Variants in DISP1 observed in about 807,000 individuals in gnomAD.
DISP1 encodes the protein protein dispatched homolog 1.
A neutral mutation model predicts 37.3 loss-of-function variants in DISP1; 30 were observed. That is an observed-to-expected ratio of 0.80 (90% CI 0.60 to 1.09). DISP1 has a LOEUF of 1.09. DISP1 is among the 50% of genes least tolerant of loss of function. The pLI is 0.00. For missense variants in DISP1, 1,598 were observed against 1,879.5 expected (o/e 0.85, Z 2.77); for synonymous variants, 634 against 690.2 (o/e 0.92, Z 1.28).
intron 3 of DISP1, among the ~76,000 whole-genome samples, chr1:222,968,172 A>G (rs1396506584): frequency 1.3e-5 from 2 of 152,046 alleles, no homozygotes; most frequent in Non-Finnish European, 2.9e-5. Flanking sequence ...CTGCTTGATA[A>G]CTCAGTGGGC....
intron 1 of DISP1, among the ~76,000 whole-genome samples, chr1:222,863,536 CAAA>C (rs35141337): frequency 1.3e-4 from 17 of 131,690 alleles, no homozygotes; most frequent in Non-Finnish European, 1.1e-4. Context: ...GACCCTATCT[CAAA>C]AAAAAAAAAA....
At chr1:222,911,443 G>A (rs1267566918) in intron 1 of DISP1, among the ~76,000 whole-genome samples, 2 of 152,164 alleles carry the variant, frequency 1.3e-5, no homozygotes, top group East Asian at 3.9e-4. Flanking sequence ...TTAAAGGAAG[G>A]GCACCTTCTA....
intron 6 of DISP1, 82 bp from the exon 7 acceptor site, chr1:222,991,931 G>A (rs1678723718): frequency 9.8e-6 from 11 of 1,124,350 alleles, no homozygotes; most frequent in South Asian, 3.9e-5. Flanking sequence ...TCATGGCTTT[G>A]AGGAAGTAAT....
In DISP1 at chr1:222,899,604, T is replaced by C. The variant is rs114161647; in HGVS notation, c.-158-28826T>C. ...AGGAAATTTTTTTTTTAAGAGATGA[T>C]ATCTTGTGCTGTTGTCTAGGCTGTA... On this transcript the variant is annotated intron_variant, in intron 1 of 8. Coordinates refer to ENST00000675850, the MANE Select transcript of DISP1 (RefSeq NM_001377229.1). 2.7e-3 allele frequency among the ~76,000 whole-genome samples: 418 copies of C among 152,198 alleles called. 1 individual carries two copies. The highest frequency in any genetic ancestry group is 9.8e-3 in the African/African-American group (409 of 41,524).
In DISP1 at chr1:222,946,228, A is replaced by AAC. The variant is rs1553333803; in HGVS notation, c.509+2897_509+2898insCA. On this transcript the variant is annotated intron_variant, in intron 3 of 8. Coordinates refer to ENST00000675850, the MANE Select transcript of DISP1 (RefSeq NM_001377229.1). ...CTCTACTAAAAATACAAAAAAAAAA[A>AAC]AAAAAATTAGCCGGGCATGGTGGCG... 2.9e-3 allele frequency among the ~76,000 whole-genome samples: 431 copies of AAC among 150,430 alleles called. 3 individuals carry two copies. The highest frequency in any genetic ancestry group is 0.01 in the African/African-American group (415 of 40,944).
intron 1 of DISP1, among the ~76,000 whole-genome samples, chr1:222,829,362 A>G (rs17475753): frequency 0.11 from 16,481 of 152,196 alleles, 1,256 homozygotes; most frequent in South Asian, 0.16. Context: ...GGAATTTTAC[A>G]AAATTTGTTC....
intron 2 of DISP1, among the ~76,000 whole-genome samples, chr1:222,929,851 C>G (rs1279781658): frequency 1.3e-5 from 2 of 151,940 alleles, no homozygotes; most frequent in Non-Finnish European, 2.9e-5. Context: ...ATTGATTTTA[C>G]TTTATTTAGG....
chr1:222,986,319 T>C (rs936957826), intron 4 of DISP1, among the ~76,000 whole-genome samples: 1 of 152,172 alleles, frequency 6.6e-6, no homozygotes, highest in Non-Finnish European at 1.5e-5. Flanking sequence ...AAAAAATCTT[T>C]GTAAGCTAAG....
intron 2 of DISP1, among the ~76,000 whole-genome samples, chr1:222,931,161 A>C (rs1673368762): frequency 1.3e-5 from 2 of 152,154 alleles, no homozygotes; most frequent in South Asian, 2.1e-4. Context: ...AACAACTTTT[A>C]AGTGCTTTAT....
At chr1:222,912,459 T>C (rs1429317123) in intron 1 of DISP1, among the ~76,000 whole-genome samples, 1 of 152,248 alleles carries the variant, frequency 6.6e-6, no homozygotes, top group African/African-American at 2.4e-5. Flanking sequence ...TCTGCTTTGC[T>C]TATGTTCTTC....
chr1:222,969,420 A>G (rs1429240849), intron 3 of DISP1, among the ~76,000 whole-genome samples: 1 of 149,296 alleles, frequency 6.7e-6, no homozygotes, highest in Non-Finnish European at 1.5e-5. Flanking sequence ...TTGAAAAAAA[A>G]TTTAATGCCT....
At chr1:222,989,306 A>T in intron 4 of DISP1, 1 of 912,420 alleles carries the variant, frequency 1.1e-6, no homozygotes, top group Non-Finnish European at 1.3e-6. Flanking sequence ...AGAATTTGAG[A>T]GTAGTGGTCC....
chr1:222,946,025 G>T (rs1392753739), intron 3 of DISP1: 1 of 152,022 alleles, frequency 6.6e-6, no homozygotes, highest in African/African-American at 2.4e-5. Context: ...AAAATTTGTA[G>T]AAGAAAGTAG....
intron 3 of DISP1, among the ~76,000 whole-genome samples, chr1:222,964,194 G>A (rs1237543763): frequency 4.6e-5 from 7 of 151,712 alleles, no homozygotes; most frequent in African/African-American, 1.7e-4. Flanking sequence ...AGCTACTTGG[G>A]AGCCTGAGGC....
intron 3 of DISP1, among the ~76,000 whole-genome samples, chr1:222,955,644 G>A (rs1170058804): frequency 1.3e-5 from 2 of 152,146 alleles, no homozygotes; most frequent in East Asian, 1.9e-4. Flanking sequence ...AGGGGAAGAT[G>A]GAGAGGGGCC....
intron 3 of DISP1, among the ~76,000 whole-genome samples, chr1:222,957,313 G>A (rs909443949): frequency 6.6e-6 from 1 of 152,138 alleles, no homozygotes; most frequent in Non-Finnish European, 1.5e-5. Flanking sequence ...CCCAGGCCGG[G>A]CACAGTGGCT....
At chr1:222,969,387 A>AAAAAAAAAAAAAAAAAAAAAG in intron 3 of DISP1, among the ~76,000 whole-genome samples, 1 of 146,248 alleles carries the variant, frequency 6.8e-6, no homozygotes, top group Non-Finnish European at 1.5e-5. Context: ...AAAAAAAAAA[A>AAAAAAAAAAAAAAAAAAAAAG]TTACAAAGAA....
chr1:222,830,128 T>C lies in DISP1; in HGVS notation c.-159+15050T>C, dbSNP rs185777153. On this transcript the variant is annotated intron_variant, in intron 1 of 8. Coordinates refer to ENST00000675850, the MANE Select transcript of DISP1 (RefSeq NM_001377229.1). ...ATTTTTTCCCTGCCTGTTCCTTAAG[T>C]GGGTCATGTGATTTGGTGTTTATCA... is the stretch of plus-strand genomic sequence containing the variant. Among the ~76,000 whole-genome samples, 408 of 152,300 alleles carry C rather than the reference T, an allele frequency of 2.7e-3. 5 individuals carry two copies. Among genetic ancestry groups the C allele is most frequent in the South Asian group, 8.7e-3 (42 of 4,826 alleles).
chr1:222,991,697 T>G, intron 6 of DISP1, 50 bp downstream of exon 6: 1 of 1,572,104 alleles, frequency 6.4e-7, no homozygotes, highest in Non-Finnish European at 8.7e-7. Flanking sequence ...CATTGCTGAA[T>G]GAATTCCTCT....
Sources: allele counts gnomAD v4.1 joint callset (sites outside exome capture counted in the v4.1 genomes callset), GRCh38; gene constraint gnomAD v4.1.1; transcripts MANE v1.5; gene names NCBI Gene and HGNC (gene_info 2026-07-23, HGNC 2026-07-21).